Variants in POLQ observed in about 807,000 individuals in gnomAD.
POLQ encodes the protein epididymis secretory sperm binding protein.
A neutral mutation model predicts 259.2 loss-of-function variants in POLQ; 233 were observed. That is an observed-to-expected ratio of 0.90 (90% CI 0.81 to 1.00). The LOEUF is 1.00. Ranked by LOEUF, POLQ falls within the 50% of genes least tolerant of loss-of-function variation. The pLI is 0.00. For missense variants in POLQ, 2,871 were observed against 3,051.6 expected (o/e 0.94, Z 1.39); for synonymous variants, 1,025 against 1,048.8 (o/e 0.98, Z 0.44).
At chr3:121,435,856 T>C (rs2047539046) in intron 28 of POLQ, among the ~76,000 whole-genome samples, 1 of 152,248 alleles carries the variant, frequency 6.6e-6, no homozygotes, top group Non-Finnish European at 1.5e-5. Context: ...ATATGTGACA[T>C]GTCAAAATAT....
intron 9 of POLQ, among the ~76,000 whole-genome samples, chr3:121,514,125 T>G (rs971382432): frequency 4.1e-5 from 6 of 146,018 alleles, no homozygotes; most frequent in Non-Finnish European, 7.5e-5. Flanking sequence ...GGTCAGGAGT[T>G]CAAGACTAGC....
At chr3:121,505,848 A>T (rs1178550838) in intron 12 of POLQ, among the ~76,000 whole-genome samples, 4 of 22,022 alleles carry the variant, frequency 1.8e-4, no homozygotes, top group African/African-American at 3.4e-4. Flanking sequence ...ATCTCTACTA[A>T]AAAAAAAAAA....
rs186883343 is a variant in POLQ at position 121,458,935 on chromosome 3, G to T, written c.7152+1115C>A. Among the ~76,000 whole-genome samples, 479 of 152,284 alleles carry T rather than the reference G, an allele frequency of 3.1e-3. 1 individual carries two copies. The highest frequency in any genetic ancestry group is 0.011 in the African/African-American group (458 of 41,544). ...ACTGTGAGGAACTAGAAATGTAAAT[G>T]CGAAACAAAAACAGCAGGATCTCAG... On this transcript the variant is annotated intron_variant, in intron 25 of 29. Transcript: ENST00000264233.
intron 24 of POLQ, 128 bp from the exon 25 acceptor site, chr3:121,460,362 C>G: frequency 1.1e-5 from 7 of 647,032 alleles, no homozygotes; most frequent in East Asian, 8.1e-5. Context: ...AATCACATGT[C>G]AAAAGTTAAA....
rs1203366608 is a variant in POLQ at position 121,440,008 on chromosome 3, G to C, written c.7373C>G (p.Pro2458Arg). ...TCAACATACGTGAGCTTTACGATAAGGGTTGTTGTCTTTGATTCCTGGCAA... is the reference window on the plus strand; with the variant it reads ...TCAACATACGTGAGCTTTACGATAACGGTTGTTGTCTTTGATTCCTGGCAA... ...RYLPGIKDNN[P>R]YRKAHAERQA... Residue 2458 changes from proline (P) to arginine (R), a missense_variant, in exon 27 of 30, where the codon CCT (proline) becomes CGT (arginine). Around this residue, in one of 3 missense-constraint regions of POLQ, gnomAD observed 2,080 missense variants for 2,126.0 expected, o/e 0.98. Transcript: ENST00000264233. 1 of 1,613,656 alleles carries C rather than the reference G, an allele frequency of 6.2e-7. No homozygotes were observed. Among genetic ancestry groups the C allele is most frequent in the East Asian group, 2.2e-5 (1 of 44,852 alleles).
At chr3:121,524,349 T>TAA (rs2048358239) in intron 7 of POLQ, among the ~76,000 whole-genome samples, 1 of 152,196 alleles carries the variant, frequency 6.6e-6, no homozygotes, top group Non-Finnish European at 1.5e-5. Context: ...ATCCTCATGA[T>TAA]GTGACTGGTA....
In POLQ at chr3:121,484,426, T is replaced by A. The variant is rs186257803; in HGVS notation, c.5773+615A>T. Among the ~76,000 whole-genome samples the A allele has an allele frequency of 2.4e-3, 368 of 152,306 alleles. 7 individuals carry two copies. Among genetic ancestry groups the A allele is most frequent in the Non-Finnish European group, 1.9e-3 (131 of 68,036 alleles). On this transcript the variant is annotated intron_variant, in intron 17 of 29. Transcript: ENST00000264233. ...CTGAAAATAAACTGCCATCGTTTAG[T>A]CTTCAAAAGCAAACCCTAAAGGTGG... is the stretch of plus-strand genomic sequence containing the variant.
At chr3:121,525,893 CT>C (rs377147734) in intron 7 of POLQ, among the ~76,000 whole-genome samples, 1 of 151,846 alleles carries the variant, frequency 6.6e-6, no homozygotes, top group Admixed American at 6.6e-5. Context: ...TTACCTCCAC[CT>C]TTTTTTTGCC....
chr3:121,540,833 G>T (rs2048484162), intron 3 of POLQ, among the ~76,000 whole-genome samples: 1 of 151,718 alleles, frequency 6.6e-6, no homozygotes, highest in South Asian at 2.1e-4. Context: ...CTTTTGATTT[G>T]ATGGCCCCTT....
At chr3:121,440,517 G>A (rs1380183618) in intron 26 of POLQ, among the ~76,000 whole-genome samples, 1 of 152,040 alleles carries the variant, frequency 6.6e-6, no homozygotes, top group Non-Finnish European at 1.5e-5. Context: ...TATATTTTTT[G>A]TAGAGATGAG....
chr3:121,518,999 GT>G (rs1216228398), intron 9 of POLQ, among the ~76,000 whole-genome samples: 1 of 151,864 alleles, frequency 6.6e-6, no homozygotes, highest in African/African-American at 2.4e-5. Flanking sequence ...CAAAACTTTT[GT>G]TTGGATTGCT....
chr3:121,513,823 G>A (rs2048274328), intron 9 of POLQ, among the ~76,000 whole-genome samples: 1 of 151,686 alleles, frequency 6.6e-6, no homozygotes, highest in Non-Finnish European at 1.5e-5. Flanking sequence ...AGGAGTTCGA[G>A]ACCAGCCTAA....
In POLQ at chr3:121,545,733, G is replaced by T; in HGVS notation, c.145C>A (p.Leu49Met). The T allele has an allele frequency of 6.3e-7, 1 of 1,578,546 alleles. No homozygotes were observed. The highest frequency in any genetic ancestry group is 8.6e-7 in the Non-Finnish European group (1 of 1,162,604). The change falls in exon 1 of 30, where the codon CTG (leucine) becomes ATG (methionine). Residue 49 changes from leucine (L) to methionine (M), a missense_variant. Physicochemically the swap from Leu to Met is conservative, Grantham distance 15 (BLOSUM62 2). Transcript: ENST00000264233. ...LSPPPGLGRC[L>M]KAAAAGECKP... Reference sequence around the variant, plus strand: ...GGAGCACCTGCAGCTGCGGCCTTCAGGCAGCGACCAAGGCCGGGCGGCGGG... The same window carrying T: ...GGAGCACCTGCAGCTGCGGCCTTCATGCAGCGACCAAGGCCGGGCGGCGGG...
intron 14 of POLQ, chr3:121,494,811 G>A (rs2048102283): frequency 1.2e-5 from 18 of 1,520,330 alleles, no homozygotes; most frequent in South Asian, 7.8e-5. Flanking sequence ...GAGACCCACC[G>A]TCACTGGGGC....
chr3:121,466,415 G>GCA (rs1466204324), intron 24 of POLQ, among the ~76,000 whole-genome samples: 6 of 21,500 alleles, frequency 2.8e-4, no homozygotes, highest in Non-Finnish European at 5.4e-4. Context: ...CCTTAGCCAG[G>GCA]CGCAGTGGCT....
intron 23 of POLQ, among the ~76,000 whole-genome samples, chr3:121,467,871 G>T (rs2047851689): frequency 6.6e-6 from 1 of 152,006 alleles, no homozygotes; most frequent in South Asian, 2.1e-4. Flanking sequence ...TGAGACCCTT[G>T]TCTCTACAAA....
At chr3:121,535,413 T>C (rs940759953) in intron 5 of POLQ, among the ~76,000 whole-genome samples, 1 of 152,124 alleles carries the variant, frequency 6.6e-6, no homozygotes, top group African/African-American at 2.4e-5. Context: ...CTTTTATACC[T>C]GGACAGTCCA....
At chr3:121,460,548 C>T (rs7645869) in intron 24 of POLQ, among the ~76,000 whole-genome samples, 89,638 of 152,078 alleles carry the variant, frequency 0.59, 27,541 homozygotes, top group East Asian at 0.89. Context: ...TTTCATGCCT[C>T]TCTTATTTTG....
intron 25 of POLQ, among the ~76,000 whole-genome samples, chr3:121,459,307 C>G (rs534749399): frequency 6.7e-6 from 1 of 149,596 alleles, no homozygotes; most frequent in Non-Finnish European, 1.5e-5. Context: ...TGGCTTGATG[C>G]TATAAAAGAT....
Sources: allele counts gnomAD v4.1 joint callset (sites outside exome capture counted in the v4.1 genomes callset), GRCh38; gene constraint gnomAD v4.1.1; regional missense constraint gnomAD v4.1.1; transcripts MANE v1.5; gene names NCBI Gene and HGNC (gene_info 2026-07-23, HGNC 2026-07-21).